The following HMGN3 variants were observed in gnomAD, a reference collection of about 807,000 sequenced individuals.
HMGN3 encodes high mobility group nucleosomal binding domain 3, also known as high mobility group nucleosome-binding domain-containing protein 3.
Under a neutral mutation model 18.8 loss-of-function variants are expected in HMGN3, and 6 were observed. The observed-to-expected ratio is 0.32, with a 90% confidence interval of 0.18 to 0.63. The LOEUF is 0.63. Ranked by LOEUF, HMGN3 falls within the 30% of genes least tolerant of loss-of-function variation. The pLI is 0.79. For missense variants in HMGN3, 107 were observed against 114.2 expected (o/e 0.94, Z 0.29); for synonymous variants, 40 against 36.5 (o/e 1.10, Z -0.35).
At position 79,202,056 on chromosome 6, in the gene HMGN3, C is replaced by G; in HGVS notation, c.261+220G>C. 2.0e-6 allele frequency: 3 copies of G among 1,536,564 alleles called. No individual in the cohort carries two copies. The highest frequency in any genetic ancestry group is 2.6e-6 in the Non-Finnish European group (3 of 1,146,892). ...AAACATGCAGAATTTTCTACTGTACCCTTAACTCTCACTGTTTCAATCTGC... is the reference window on the plus strand; with the variant it reads ...AAACATGCAGAATTTTCTACTGTACGCTTAACTCTCACTGTTTCAATCTGC... On this transcript the variant is annotated intron_variant, in intron 5 of 5. Coordinates refer to ENST00000344726, the Ensembl canonical transcript of HMGN3.
intron 1 of HMGN3, among the ~76,000 whole-genome samples, chr6:79,217,176 G>A: frequency 6.6e-6 from 1 of 152,208 alleles, no homozygotes; most frequent in Non-Finnish European, 1.5e-5. Context: ...GGCTCTGGAT[G>A]TAAAGAGCTA....
At chr6:79,212,043 T>TAA (rs369391899) in intron 2 of HMGN3, among the ~76,000 whole-genome samples, 119,900 of 143,714 alleles carry the variant, frequency 0.83, 50,529 homozygotes, top group East Asian at 0.98. Context: ...CTTTTAATTC[T>TAA]AAAAAAAAAA....
intron 2 of HMGN3, among the ~76,000 whole-genome samples, chr6:79,213,673 G>C (rs1776811988): frequency 6.6e-6 from 1 of 152,192 alleles, no homozygotes; most frequent in African/African-American, 2.4e-5. Flanking sequence ...GTACATGGAT[G>C]ATGGGGACAG....
intron 2 of HMGN3, among the ~76,000 whole-genome samples, chr6:79,212,871 C>CAGTTTGCT (rs1776770981): frequency 1.3e-5 from 2 of 152,114 alleles, no homozygotes; most frequent in African/African-American, 4.8e-5. Flanking sequence ...AGTTTTTACC[C>CAGTTTGCT]GAAACCATCA....
At chr6:79,208,605 T>G in intron 2 of HMGN3, 29 bp from the exon 3 acceptor site, 1 of 1,561,644 alleles carries the variant, frequency 6.4e-7, no homozygotes, top group Non-Finnish European at 8.8e-7. Flanking sequence ...AATATACATA[T>G]TTTTTGGTGA....
At chr6:79,217,798 G>A (rs1384280058) in intron 1 of HMGN3, among the ~76,000 whole-genome samples, 1 of 152,204 alleles carries the variant, frequency 6.6e-6, no homozygotes, top group Non-Finnish European at 1.5e-5. Flanking sequence ...AGCTTTTTGT[G>A]CCAAGGGATT....
At chr6:79,229,892 A>T (rs1357779809) in intron 1 of HMGN3, among the ~76,000 whole-genome samples, 2 of 152,162 alleles carry the variant, frequency 1.3e-5, no homozygotes, top group African/African-American at 4.8e-5. Context: ...AAAAAAAATG[A>T]TAAACATAGA....
exon 1 of HMGN3, chr6:79,234,630 C>G: frequency 6.7e-7 from 1 of 1,501,810 alleles, no homozygotes. Flanking sequence ...CTGGATGCTG[C>G]CTCTGCCTCT....
intron 2 of HMGN3, among the ~76,000 whole-genome samples, chr6:79,212,290 G>A (rs75029659): frequency 0.07 from 10,636 of 152,272 alleles, 490 homozygotes; most frequent in Middle Eastern, 0.14. Flanking sequence ...GTTTCTCTGA[G>A]AACTTTGCTC....
intron 1 of HMGN3, among the ~76,000 whole-genome samples, chr6:79,228,415 T>G (rs547417341): frequency 6.6e-6 from 1 of 152,182 alleles, no homozygotes; most frequent in East Asian, 1.9e-4. Context: ...AGATTCCATA[T>G]CAATATTTAA....
chr6:79,227,979 T>C (rs959099038), intron 1 of HMGN3, among the ~76,000 whole-genome samples: 1 of 152,174 alleles, frequency 6.6e-6, no homozygotes. Context: ...AGGTAATCAA[T>C]CAAATAACTT....
intron 2 of HMGN3, among the ~76,000 whole-genome samples, chr6:79,214,554 A>G (rs1776875109): frequency 6.6e-6 from 1 of 152,198 alleles, no homozygotes; most frequent in Non-Finnish European, 1.5e-5. Context: ...TCAGAACCTA[A>G]AAAGTGACTT....
chr6:79,233,003 C>T lies in HMGN3; in HGVS notation c.15+1543G>A, dbSNP rs139940970. Reference sequence around the variant, plus strand: ...TCAAGTATTAGTGCTCTTAATATGCCATCTGTCTTCTTAAACTGGGAGTAC... The same window carrying T: ...TCAAGTATTAGTGCTCTTAATATGCTATCTGTCTTCTTAAACTGGGAGTAC... On this transcript the variant is annotated intron_variant, in intron 1 of 5. Coordinates refer to ENST00000344726, the Ensembl canonical transcript of HMGN3. 1.4e-4 allele frequency among the ~76,000 whole-genome samples: 22 copies of T among 152,212 alleles called. 1 individual carries two copies. In the East Asian group the frequency reaches 3.9e-3, roughly 27 times the overall value.
chr6:79,233,992 AT>A (rs1233449587), intron 1 of HMGN3: 1 of 152,980 alleles, frequency 6.5e-6, no homozygotes, highest in Admixed American at 6.5e-5. Flanking sequence ...GAGTTGGTAC[AT>A]ACGGGTCTGC....
At chr6:79,224,737 T>G (rs1421272810) in intron 1 of HMGN3, among the ~76,000 whole-genome samples, 1 of 152,234 alleles carries the variant, frequency 6.6e-6, no homozygotes, top group Non-Finnish European at 1.5e-5. Context: ...TCAAGTGACC[T>G]TCCCGAGGTA....
chr6:79,217,250 T>C (rs544812871), intron 1 of HMGN3, among the ~76,000 whole-genome samples: 11 of 152,326 alleles, frequency 7.2e-5, no homozygotes, highest in African/African-American at 2.6e-4. Context: ...TTAATACACC[T>C]GCAGTCAGGA....
At chr6:79,218,228 G>C (rs1378360855) in intron 1 of HMGN3, among the ~76,000 whole-genome samples, 2 of 152,068 alleles carry the variant, frequency 1.3e-5, no homozygotes, top group Non-Finnish European at 2.9e-5. Flanking sequence ...TGGGGAGTGG[G>C]GAGGGAAGGA....
chr6:79,215,243 G>A (rs1276720650), intron 1 of HMGN3, among the ~76,000 whole-genome samples: 2 of 152,182 alleles, frequency 1.3e-5, no homozygotes, highest in Non-Finnish European at 2.9e-5. Flanking sequence ...AAGCAGAAAT[G>A]GTGAAAGAAC....
chr6:79,208,450 T>A lies in HMGN3; in HGVS notation c.96+97A>T. Reference sequence around the variant, plus strand: ...AATTTTCAAAAAGAAAATAAGCTCATGGGAAACCATGTTAATCTTCCTTTT... The same window carrying A: ...AATTTTCAAAAAGAAAATAAGCTCAAGGGAAACCATGTTAATCTTCCTTTT... On this transcript the variant is annotated intron_variant, in intron 3 of 5. Transcript: ENST00000344726. 4 of 1,065,560 alleles carry A rather than the reference T, an allele frequency of 3.8e-6. No individual in the cohort carries two copies. The Admixed American group carries it at 5.4e-5, about 14-fold the overall frequency. 66.0% of individuals were successfully genotyped at this position (1,065,560 alleles called of 1,614,324 possible).
Sources: allele counts gnomAD v4.1 joint callset (sites outside exome capture counted in the v4.1 genomes callset), GRCh38; gene constraint gnomAD v4.1.1; transcripts MANE v1.5; gene names NCBI Gene and HGNC (gene_info 2026-07-23, HGNC 2026-07-21).